Variants in MAPK10 observed in about 807,000 individuals in gnomAD.
MAPK10 encodes JNK3 alpha protein kinase.
In MAPK10, 25 loss-of-function variants were observed where a neutral mutation model predicts 59.3. The observed-to-expected ratio is 0.42, with a 90% CI of 0.31 to 0.59. The LOEUF (loss-of-function observed/expected upper bound fraction) is 0.59. Among genes scored for constraint, MAPK10 ranks in the 20% least tolerant of loss-of-function variants. The probability of loss-of-function intolerance (pLI) is 0.15; values close to 1 mark genes in which losing one functional copy is unlikely to be tolerated. For missense variants in MAPK10, 351 were observed against 568.9 expected (o/e 0.62, Z 3.90); for synonymous variants, 190 against 200.5 (o/e 0.95, Z 0.44).
At chr4:86,585,656 C>T (rs1322100036) in intron 1 of MAPK10, among the ~76,000 whole-genome samples, 3 of 152,212 alleles carry the variant, frequency 2.0e-5, no homozygotes, top group Non-Finnish European at 2.9e-5. Flanking sequence ...TCATCCTAAT[C>T]GTTTCAGCTC....
chr4:86,318,777 A>C lies in MAPK10; in HGVS notation c.-7+35753T>G, dbSNP rs113034469. On this transcript the variant is annotated intron_variant, in intron 2 of 13. Transcript: ENST00000641462. ...AATTTACAGACATTTACATAAATTA[A>C]TAATTTATATTAGGCTGGCAGTATG... is the stretch of plus-strand genomic sequence containing the variant. Among the ~76,000 whole-genome samples the C allele has an allele frequency of 7.3e-3, 1,113 of 152,314 alleles. 18 individuals carry two copies. Among genetic ancestry groups the C allele is most frequent in the African/African-American group, 0.025 (1,051 of 41,576 alleles).
chr4:86,150,061 A>G (rs1332276314), intron 4 of MAPK10, among the ~76,000 whole-genome samples: 2 of 152,240 alleles, frequency 1.3e-5, no homozygotes, highest in Admixed American at 1.3e-4. Context: ...GTAAGTGCCC[A>G]CTGACTGATG....
intron 1 of MAPK10, among the ~76,000 whole-genome samples, chr4:86,415,292 G>C (rs1250866640): frequency 1.3e-5 from 2 of 152,192 alleles, no homozygotes; most frequent in East Asian, 3.9e-4. Context: ...GATCCATATT[G>C]TCAGTGATAC....
At chr4:86,088,705 A>G (rs966510991) in intron 9 of MAPK10, among the ~76,000 whole-genome samples, 8 of 152,196 alleles carry the variant, frequency 5.3e-5, no homozygotes, top group Non-Finnish European at 1.5e-5. Context: ...AAACTTGATC[A>G]ATTGTAAAAT....
chr4:86,321,952 C>T (rs1191378749), intron 2 of MAPK10: 2 of 152,058 alleles, frequency 1.3e-5, no homozygotes, highest in East Asian at 1.9e-4. Flanking sequence ...TCTCCTCAGC[C>T]TCCCAAAGTG....
In MAPK10 at chr4:86,588,793, T is replaced by C. The variant is rs115318958; in HGVS notation, c.-263+5117A>G. Among the ~76,000 whole-genome samples the C allele has an allele frequency of 3.9e-5, 6 of 152,342 alleles. No individual in the cohort carries two copies. The South Asian group carries it at 1.2e-3, about 32-fold the overall frequency. ...TTATTATATTTTATGTAGTAAAATG[T>C]ACAAATTATTTTAAGTTTTTGGTTT... On this transcript the variant is annotated intron_variant, in intron 1 of 4. Transcript: ENST00000502302.
intron 1 of MAPK10, among the ~76,000 whole-genome samples, chr4:86,477,680 T>C (rs113529602): frequency 0.23 from 34,300 of 149,600 alleles, 4,396 homozygotes; most frequent in Admixed American, 0.31. Flanking sequence ...TCCCCCATTT[T>C]ACCTGTCCAA....
chr4:86,591,767 T>C (rs1323512177), intron 1 of MAPK10, among the ~76,000 whole-genome samples: 3 of 152,206 alleles, frequency 2.0e-5, no homozygotes, highest in African/African-American at 7.2e-5. Flanking sequence ...TCATATTATT[T>C]GCAAACAAAT....
intron 2 of MAPK10, among the ~76,000 whole-genome samples, chr4:86,315,233 C>T (rs1197742103): frequency 6.6e-6 from 1 of 151,728 alleles, no homozygotes; most frequent in African/African-American, 2.4e-5. Flanking sequence ...AGGATGGTTA[C>T]CAGAGGGTGG....
rs922077170 is a variant in MAPK10, at chr4:86,017,737, T to A, written c.1253-367A>T. 1.3e-5 allele frequency among the ~76,000 whole-genome samples: 2 copies of A among 152,204 alleles called. No homozygotes were observed. Among genetic ancestry groups the A allele is most frequent in the Non-Finnish European group, 2.9e-5 (2 of 68,038 alleles). ...TATTTGCATTTTTATTTATTTATTT[T>A]TTTTGAGATGGAGTCTCGCTCTGTC... On this transcript the variant is annotated intron_variant, in intron 13 of 13. Coordinates refer to ENST00000641462, the MANE Select transcript of MAPK10 (RefSeq NM_138982.4). This position sits in a 1 kb window ranked among gnomAD's most constrained non-coding sequence, Gnocchi z 4.4.
chr4:86,175,182 T>C (rs185036923), intron 3 of MAPK10, among the ~76,000 whole-genome samples: 33 of 152,240 alleles, frequency 2.2e-4, no homozygotes, highest in African/African-American at 7.7e-4. Flanking sequence ...TATTTCATAA[T>C]AAGGAAAGTA....
intron 1 of MAPK10, among the ~76,000 whole-genome samples, chr4:86,465,901 G>A (rs1255684542): frequency 6.6e-6 from 1 of 152,204 alleles, no homozygotes; most frequent in Non-Finnish European, 1.5e-5. Flanking sequence ...ACAGATGGCG[G>A]AAGAAAACCT....
chr4:86,105,401 A>C (rs1022978101), intron 5 of MAPK10, among the ~76,000 whole-genome samples: 3 of 152,174 alleles, frequency 2.0e-5, no homozygotes, highest in Non-Finnish European at 4.4e-5. Context: ...TTATCACTGC[A>C]ATCTGGAACT....
chr4:86,415,985 C>G (rs907872450), intron 1 of MAPK10, among the ~76,000 whole-genome samples: 1 of 152,150 alleles, frequency 6.6e-6, no homozygotes, highest in Non-Finnish European at 1.5e-5. Context: ...ATCTGTTTCT[C>G]TTCTGTAAAA....
intron 2 of MAPK10, among the ~76,000 whole-genome samples, chr4:86,279,690 G>A (rs534968915): frequency 6.6e-6 from 1 of 152,034 alleles, no homozygotes; most frequent in Non-Finnish European, 1.5e-5. Context: ...TACTAGGGGG[G>A]GCTCAACTAA....
chr4:86,083,515 C>T (rs752842633), intron 9 of MAPK10, among the ~76,000 whole-genome samples: 4 of 152,232 alleles, frequency 2.6e-5, no homozygotes, highest in Non-Finnish European at 4.4e-5. Context: ...AGAGGGGAAT[C>T]GCCAATCCCA....
chr4:86,095,136 T>C (rs919573431), intron 9 of MAPK10: 19 of 151,750 alleles, frequency 1.3e-4, no homozygotes, highest in Non-Finnish European at 8.9e-5. Flanking sequence ...CAAATATGTA[T>C]TGTTTATTTT....
intron 4 of MAPK10, among the ~76,000 whole-genome samples, chr4:86,122,788 C>G (rs1280770256): frequency 6.6e-6 from 1 of 152,054 alleles, no homozygotes; most frequent in Non-Finnish European, 1.5e-5. Flanking sequence ...CCTCTGTGGG[C>G]TTCATCTTCA....
intron 5 of MAPK10, among the ~76,000 whole-genome samples, chr4:86,104,557 A>C (rs1209520644): frequency 6.6e-6 from 1 of 152,036 alleles, no homozygotes; most frequent in Admixed American, 6.6e-5. Context: ...AATTTATTTC[A>C]TTTTGCTATT....
Sources: gnomAD v4.1 joint callset for allele counts (sites outside exome capture counted in the v4.1 genomes callset) on GRCh38, gnomAD v4.1.1 for gene constraint, Gnocchi (gnomAD v3.1) non-coding constraint, MANE v1.5 for transcripts, NCBI Gene and HGNC (gene_info 2026-07-23, HGNC 2026-07-21) for gene names.